SLCO6A1: variants seen among roughly 807,000 people sequenced by gnomAD.
SLCO6A1 encodes cancer/testis antigen 48.
In SLCO6A1, 65 loss-of-function variants were observed where a neutral mutation model predicts 72.7. The ratio of observed to expected loss-of-function variants is 0.89; its 90% confidence interval spans 0.73 to 1.10. The LOEUF (loss-of-function observed/expected upper bound fraction) is 1.10, where lower values mean the gene tolerates loss of function less well. Among genes scored for constraint, SLCO6A1 ranks in the 50% least tolerant of loss-of-function variants. The pLI is 0.00. For synonymous variants in SLCO6A1, 314 were observed against 298.2 expected, an observed-to-expected ratio of 1.05 and a Z score of -0.55; for missense variants, 874 against 872.6, an observed-to-expected ratio of 1.00 and a Z score of -0.02.
Position 102,413,094 on chromosome 5 carries a change from A to T in SLCO6A1, c.1522T>A (p.Cys508Ser). Residue 508 changes from cysteine (C) to serine (S), a missense_variant, in exon 9 of 14, where the codon TGC (cysteine) becomes AGC (serine). Coordinates refer to ENST00000506729, the MANE Select transcript of SLCO6A1 (RefSeq NM_173488.5). The stretch of plus-strand genomic sequence containing the variant: ...ATAGAAGAATAAATTGAAGATGAGC[A>T]TCTACATTTTTCATTGCAAGGAGCC... ...LTAPCNEKCRCSSSIYSSICG... is the reference protein window; with the variant it reads ...LTAPCNEKCRSSSSIYSSICG... The T allele has an allele frequency of 6.4e-7, 1 of 1,571,732 alleles. No homozygotes were observed. Among genetic ancestry groups the T allele is most frequent in the Non-Finnish European group, 8.6e-7 (1 of 1,165,420 alleles).
chr5:102,416,652 T>A (rs1748303872), intron 8 of SLCO6A1, among the ~76,000 whole-genome samples: 1 of 152,124 alleles, frequency 6.6e-6, no homozygotes, highest in Non-Finnish European at 1.5e-5. Flanking sequence ...GGGTGATAGA[T>A]ACCCTAAAAG....
intron 8 of SLCO6A1, among the ~76,000 whole-genome samples, chr5:102,415,093 C>A (rs1748209597): frequency 6.6e-6 from 1 of 151,994 alleles, no homozygotes; most frequent in Admixed American, 6.6e-5. Context: ...TTTCCATGAT[C>A]ATGGATCAGA....
At chr5:102,417,077 G>C (rs900567546) in intron 8 of SLCO6A1, among the ~76,000 whole-genome samples, 3 of 152,008 alleles carry the variant, frequency 2.0e-5, no homozygotes, top group Non-Finnish European at 2.9e-5. Context: ...TGATGAATTG[G>C]TAATTTTATC....
Position 102,477,052 on chromosome 5 carries a change from CAT to C in SLCO6A1, c.802+622_802+623del, listed in dbSNP as rs545828742. Among the ~76,000 whole-genome samples the C allele has an allele frequency of 2.2e-4, 33 of 152,128 alleles. No individual in the cohort carries two copies. In the East Asian group the frequency reaches 5.8e-3, roughly 27 times the overall value. ...CTATTATTAATTAAGTATATATACA[CAT>C]ATATGAATATACATATTTATAAATG... On this transcript the variant is annotated intron_variant, in intron 3 of 13. Transcript: ENST00000506729.
chr5:102,380,766 A>G (rs1746059763), intron 12 of SLCO6A1, among the ~76,000 whole-genome samples: 1 of 152,006 alleles, frequency 6.6e-6, no homozygotes, highest in African/African-American at 2.4e-5. Context: ...GTTAATGTAA[A>G]TGTAAATTTA....
chr5:102,463,793 G>A (rs1751164514), intron 4 of SLCO6A1, among the ~76,000 whole-genome samples: 3 of 152,060 alleles, frequency 2.0e-5, no homozygotes, highest in Non-Finnish European at 4.4e-5. Context: ...GGCTGAGGCA[G>A]GAGAATTGCT....
At chr5:102,455,021 T>TAC (rs1750628739) in intron 6 of SLCO6A1, among the ~76,000 whole-genome samples, 1 of 108,234 alleles carries the variant, frequency 9.2e-6, no homozygotes, top group African/African-American at 3.2e-5. Flanking sequence ...TATATATATA[T>TAC]ATATATAAAT....
intron 5 of SLCO6A1, among the ~76,000 whole-genome samples, chr5:102,459,229 G>T (rs1750896878): frequency 6.6e-6 from 1 of 152,068 alleles, no homozygotes; most frequent in African/African-American, 2.4e-5. Flanking sequence ...GCACAACATA[G>T]CAAGACTCCA....
intron 1 of SLCO6A1, among the ~76,000 whole-genome samples, chr5:102,486,283 G>A (rs1231014454): frequency 6.6e-6 from 1 of 152,006 alleles, no homozygotes; most frequent in Non-Finnish European, 1.5e-5. Flanking sequence ...TGCTACTCAA[G>A]CTCTCATAGT....
At chr5:102,487,115 C>T (rs1752478061) in intron 1 of SLCO6A1, among the ~76,000 whole-genome samples, 1 of 152,060 alleles carries the variant, frequency 6.6e-6, no homozygotes, top group Non-Finnish European at 1.5e-5. Context: ...CAAAATTAAA[C>T]TAGAACAGTT....
chr5:102,456,930 C>A (rs564527732), intron 6 of SLCO6A1, among the ~76,000 whole-genome samples: 2 of 152,018 alleles, frequency 1.3e-5, no homozygotes, highest in Non-Finnish European at 2.9e-5. Context: ...CAGAACAGAG[C>A]CCTCAGAAAT....
Position 102,438,695 on chromosome 5 carries a change from T to C in SLCO6A1, c.1198A>G (p.Ile400Val). The C allele has an allele frequency of 6.2e-7, 1 of 1,600,200 alleles. No homozygotes were observed. ...LSKATEYLVI[I>V]GASEFLPIYL... ...ATAGGCAAAAATTCAGAAGCTCCAA[T>C]AATAACTAAATATTCTGTAGCTTTT... Residue 400 changes from isoleucine (I) to valine (V), a missense_variant, in exon 7 of 14, where the codon ATT becomes GTT. Ile to Val is a conservative substitution (Grantham distance 29). Coordinates refer to ENST00000506729, the MANE Select transcript of SLCO6A1 (RefSeq NM_173488.5).
intron 13 of SLCO6A1, among the ~76,000 whole-genome samples, chr5:102,372,769 C>T (rs1750694253): frequency 6.6e-6 from 1 of 151,202 alleles, no homozygotes; most frequent in Non-Finnish European, 1.5e-5. Flanking sequence ...AACGAAACAT[C>T]AAAATATTTA....
chr5:102,454,755 T>G (rs1407862591), intron 6 of SLCO6A1, among the ~76,000 whole-genome samples: 1 of 151,878 alleles, frequency 6.6e-6, no homozygotes, highest in East Asian at 1.9e-4. Context: ...TTAATAATTG[T>G]GTCTTAATTT....
chr5:102,482,606 T>C (rs1270656328), intron 1 of SLCO6A1, among the ~76,000 whole-genome samples: 2 of 152,196 alleles, frequency 1.3e-5, no homozygotes, highest in Non-Finnish European at 2.9e-5. Flanking sequence ...TAATTATCTA[T>C]AAGACCAAAA....
intron 6 of SLCO6A1, among the ~76,000 whole-genome samples, chr5:102,451,074 C>A (rs1750389508): frequency 6.6e-6 from 1 of 152,076 alleles, no homozygotes; most frequent in Admixed American, 6.6e-5. Flanking sequence ...AGGCCCTGCC[C>A]AGTGAGGAGT....
In SLCO6A1 at chr5:102,440,219, A is replaced by T. The variant is rs1414669558; in HGVS notation, c.1132-1458T>A. Among the ~76,000 whole-genome samples the T allele has an allele frequency of 2.6e-5, 4 of 152,292 alleles. No homozygotes were observed. The East Asian group carries it at 7.7e-4, about 29-fold the overall frequency. ...CTCCAGACTTTGATCACTCTAGCTC[A>T]GGGATCCCCAGCCTCTATAGAAAGA... On this transcript the variant is annotated intron_variant, in intron 6 of 13. Transcript: ENST00000506729.
In SLCO6A1 at chr5:102,428,192, T is replaced by C. The variant is rs1207855785; in HGVS notation, c.1277-8171A>G. The stretch of plus-strand genomic sequence containing the variant: ...CCAGAAACTCTCAATATTATTTCTA[T>C]CTTCAAGATATCTAAAACTGTTCAA... On this transcript the variant is annotated intron_variant, in intron 7 of 13. Transcript: ENST00000506729. Among the ~76,000 whole-genome samples, 5 of 151,716 alleles carry C rather than the reference T, an allele frequency of 3.3e-5. No homozygotes were observed. The South Asian group carries it at 6.2e-4, about 19-fold the overall frequency.
intron 2 of SLCO6A1, among the ~76,000 whole-genome samples, chr5:102,479,716 C>G (rs980796834): frequency 2.0e-5 from 3 of 152,092 alleles, no homozygotes; most frequent in African/African-American, 7.2e-5. Flanking sequence ...CAAAATAACT[C>G]TTCTTCCCAC....
Sources: allele counts gnomAD v4.1 joint callset (sites outside exome capture counted in the v4.1 genomes callset), GRCh38; gene constraint gnomAD v4.1.1; transcripts MANE v1.5; gene names NCBI Gene and HGNC (gene_info 2026-07-23, HGNC 2026-07-21).